CHD2: variants seen among roughly 807,000 people sequenced by gnomAD.
CHD2 encodes the protein chromodomain helicase DNA binding protein 2, also known as ATP-dependent chromatin remodeler CHD2.
Under a neutral mutation model 243.9 loss-of-function variants are expected in CHD2, and 28 were observed. The ratio of observed to expected loss-of-function variants is 0.11; its 90% confidence interval spans 0.09 to 0.16. CHD2 has a LOEUF of 0.16. Ranked by LOEUF, CHD2 falls within the 10% of genes least tolerant of loss-of-function variation. The probability of loss-of-function intolerance (pLI) is 1.00; values close to 1 mark genes in which losing one functional copy is unlikely to be tolerated. For missense variants in CHD2, 1,386 were observed against 2,209.8 expected (o/e 0.63, Z 7.47); for synonymous variants, 775 against 779.0 (o/e 0.99, Z 0.09).
chr15:92,905,340 C>T (rs1008219914), intron 2 of CHD2, among the ~76,000 whole-genome samples: 18 of 152,156 alleles, frequency 1.2e-4, no homozygotes, highest in Non-Finnish European at 5.9e-5. Flanking sequence ...ACAAGGATTT[C>T]TGGTTAAAAC....
chr15:92,927,171 A>G (rs541557243), intron 3 of CHD2, 73 bp from the exon 4 acceptor site: 14 of 1,081,390 alleles, frequency 1.3e-5, no homozygotes, highest in Middle Eastern at 2.0e-4. Context: ...ATTCTCTTCA[A>G]TTGCAATAAA....
intron 37 of CHD2, among the ~76,000 whole-genome samples, chr15:93,017,951 C>T (rs559304852): frequency 2.0e-5 from 3 of 152,322 alleles, no homozygotes; most frequent in South Asian, 4.1e-4. Context: ...TTTACAATAA[C>T]TTCTTACTAA....
At position 92,927,252 on chromosome 15, in the gene CHD2, A is replaced by G. The variant is rs995964005; in HGVS notation, c.303A>G (p.Glu101=). 1 of 1,612,342 alleles carries G rather than the reference A, an allele frequency of 6.2e-7. No individual in the cohort carries two copies. Among genetic ancestry groups the G allele is most frequent in the Non-Finnish European group, 8.5e-7 (1 of 1,178,502 alleles). Residue 101 remains glutamate, a synonymous_variant, in exon 4 of 39, where the codon GAA becomes GAG. Transcript: ENST00000394196. ...GTCTCTTAATTTTACAGATGTGGGA[A>G]GAATATCCTGATGTTTATGGGGTCA... ...ERIADVKKMW[E]EYPDVYGVRR... is the part of the protein sequence containing the mutation.
At position 92,998,638 on chromosome 15, in the gene CHD2, C is replaced by A; in HGVS notation, c.4008+17C>A. 6.2e-7 allele frequency: 1 copy of A among 1,608,636 alleles called. No homozygotes were observed. The highest frequency in any genetic ancestry group is 2.2e-4 in the Middle Eastern group (1 of 4,566). Reference sequence around the variant, plus strand: ...GGGGAAGAGGTGAGTACGCTGCCAGCTGGTTGTTTTTCAGGGGCCTGAGGC... The same window carrying A: ...GGGGAAGAGGTGAGTACGCTGCCAGATGGTTGTTTTTCAGGGGCCTGAGGC... On this transcript the variant is annotated intron_variant, in intron 31 of 38. Transcript: ENST00000394196. This position sits in a 1 kb window ranked among gnomAD's most constrained non-coding sequence, Gnocchi z 5.1.
intron 21 of CHD2, 104 bp downstream of exon 21, chr15:92,978,487 T>A: frequency 8.6e-7 from 1 of 1,161,144 alleles, no homozygotes; most frequent in East Asian, 2.4e-5. Flanking sequence ...TGTTTTGCTT[T>A]TATTTCCCCT....
Position 93,006,961 on chromosome 15 carries a change from G to A in CHD2, c.4414-2184G>A, listed in dbSNP as rs191114364. On this transcript the variant is annotated intron_variant, in intron 34 of 38. Transcript: ENST00000394196. Reference sequence around the variant, plus strand: ...TTTTTCCCGTATTGGTGGACATCAGGATTTTTCCAAATGTTTGCTACTACA... The same window carrying A: ...TTTTTCCCGTATTGGTGGACATCAGAATTTTTCCAAATGTTTGCTACTACA... 1.1e-3 allele frequency among the ~76,000 whole-genome samples: 169 copies of A among 152,292 alleles called. 1 individual carries two copies. Among genetic ancestry groups the A allele is most frequent in the African/African-American group, 4.0e-3 (165 of 41,564 alleles).
chr15:92,999,352 A>C (rs554841243), intron 31 of CHD2, among the ~76,000 whole-genome samples: 2 of 152,296 alleles, frequency 1.3e-5, no homozygotes, highest in South Asian at 4.1e-4. Flanking sequence ...CCCAGAGATA[A>C]AATGGACAGT....
chr15:92,963,831 A>G lies in CHD2; in HGVS notation c.2001-3494A>G, dbSNP rs116960257. On this transcript the variant is annotated intron_variant, in intron 16 of 38. Coordinates refer to ENST00000394196, the MANE Select transcript of CHD2 (RefSeq NM_001271.4). ...AAATACATCCTTCATAAAACCATTGAGACGAAGTAAGGTCACCCTACGTAG... is the reference window on the plus strand; with the variant it reads ...AAATACATCCTTCATAAAACCATTGGGACGAAGTAAGGTCACCCTACGTAG... Among the ~76,000 whole-genome samples, 670 of 152,322 alleles carry G rather than the reference A, an allele frequency of 4.4e-3. 2 individuals carry two copies. The highest frequency in any genetic ancestry group is 7.2e-3 in the Non-Finnish European group (487 of 68,020).
rs573493411 is a variant in CHD2 at position 92,916,759 on chromosome 15, G to A, written c.63-7562G>A. Reference sequence around the variant, plus strand: ...AGTAGAGACGGGGTTTCACCATGTGGTCCAGGATTGTCTCAGTCTCCTGAC... The same window carrying A: ...AGTAGAGACGGGGTTTCACCATGTGATCCAGGATTGTCTCAGTCTCCTGAC... On this transcript the variant is annotated intron_variant, in intron 2 of 38. Coordinates refer to ENST00000394196, the MANE Select transcript of CHD2 (RefSeq NM_001271.4). Among the ~76,000 whole-genome samples, 5 of 152,212 alleles carry A rather than the reference G, an allele frequency of 3.3e-5. No homozygotes were observed. The South Asian group carries it at 8.3e-4, about 25-fold the overall frequency.
chr15:92,962,293 T>C (rs2053701225), intron 16 of CHD2, among the ~76,000 whole-genome samples: 1 of 152,112 alleles, frequency 6.6e-6, no homozygotes. Flanking sequence ...GTAAAACTTT[T>C]TTCTTTTCTA....
chr15:92,981,833 C>T (rs1383856612), intron 24 of CHD2, among the ~76,000 whole-genome samples: 2 of 152,158 alleles, frequency 1.3e-5, no homozygotes, highest in Non-Finnish European at 2.9e-5. Flanking sequence ...TTAGAAGGTT[C>T]TGATGACTTG....
intron 12 of CHD2, chr15:92,947,363 C>T (rs2053486616): frequency 6.6e-6 from 1 of 152,148 alleles, no homozygotes; most frequent in Non-Finnish European, 1.5e-5. Flanking sequence ...GGGTATTGCC[C>T]TCCTGTGAAA....
At chr15:92,957,589 A>G (rs566431255) in intron 16 of CHD2, among the ~76,000 whole-genome samples, 1 of 151,814 alleles carries the variant, frequency 6.6e-6, no homozygotes, top group African/African-American at 2.4e-5. Context: ...CTAGAATAGC[A>G]CCTGGTGCAC....
In CHD2 at chr15:93,025,931, T is replaced by A. The variant is rs892929505; in HGVS notation, c.*1226T>A. ...GTAGTTGGAGATCATTAGAATTGAA[T>A]TCAGTTTCTCTTAGAATATAATCAG... On this transcript the variant is annotated 3_prime_UTR_variant, in exon 39 of 39. Transcript: ENST00000394196. 2 of 152,398 alleles carry A rather than the reference T, an allele frequency of 1.3e-5. No homozygotes were observed. The highest frequency in any genetic ancestry group is 2.9e-5 in the Non-Finnish European group (2 of 68,050). The allele number at this position is 152,398 out of a possible 1,614,324, so 9.4% of individuals were successfully genotyped here.
chr15:92,923,856 G>A (rs1250782403), intron 2 of CHD2, among the ~76,000 whole-genome samples: 2 of 152,068 alleles, frequency 1.3e-5, no homozygotes, highest in East Asian at 1.9e-4. Flanking sequence ...GAGCCACCGC[G>A]CCCGGCCTGC....
chr15:92,916,899 A>T (rs1001035153), intron 2 of CHD2, among the ~76,000 whole-genome samples: 2 of 152,202 alleles, frequency 1.3e-5, no homozygotes, highest in Non-Finnish European at 2.9e-5. Flanking sequence ...CAATTATTTA[A>T]TACTAAGAGA....
Position 92,984,452 on chromosome 15 carries a change from G to A in CHD2, c.3189G>A (p.Glu1063=). Residue 1063 remains glutamate (E), a synonymous_variant, in exon 25 of 39, where the codon GAG becomes GAA. Transcript: ENST00000394196. The part of the protein sequence containing the change: ...KKVEEEERQK[E]LEEIYMLPRI... ...TAGAGGAGGAAGAGCGGCAGAAGGA[G>A]CTAGAAGAAATTTATATGCTGCCTC... The A allele has an allele frequency of 1.2e-6, 2 of 1,612,960 alleles. No individual in the cohort carries two copies. Among genetic ancestry groups the A allele is most frequent in the Non-Finnish European group, 1.7e-6 (2 of 1,179,376 alleles).
intron 16 of CHD2, among the ~76,000 whole-genome samples, chr15:92,965,591 A>G (rs866240889): frequency 0.011 from 1,623 of 143,176 alleles, 36 homozygotes; most frequent in African/African-American, 0.035. Context: ...AAAAAAAAAA[A>G]AAAACCAACT....
chr15:92,900,655 T>G lies in CHD2; in HGVS notation c.-241T>G. On this transcript the variant is annotated 5_prime_UTR_variant, in exon 1 of 39. Transcript: ENST00000394196. ...AGGTTTTTTTTCTTTCGGACCTGTTTTAGTATTAATTATTGCTTTATTTTT... is the reference window on the plus strand; with the variant it reads ...AGGTTTTTTTTCTTTCGGACCTGTTGTAGTATTAATTATTGCTTTATTTTT... 2.5e-6 allele frequency: 1 copy of G among 398,696 alleles called. No individual in the cohort carries two copies. Among genetic ancestry groups the G allele is most frequent in the Non-Finnish European group, 4.4e-6 (1 of 226,152 alleles). 24.7% of individuals were successfully genotyped at this position (398,696 alleles called of 1,614,324 possible).
Sources: allele counts gnomAD v4.1 joint callset (sites outside exome capture counted in the v4.1 genomes callset), GRCh38; gene constraint gnomAD v4.1.1; non-coding constraint Gnocchi (gnomAD v3.1); transcripts MANE v1.5; gene names NCBI Gene and HGNC (gene_info 2026-07-23, HGNC 2026-07-21).